Variants in CSNK2A2 observed in about 807,000 individuals in gnomAD.
CSNK2A2 encodes casein kinase II subunit alpha'.
In CSNK2A2, 8 loss-of-function variants were observed where a neutral mutation model predicts 54.0. That is an observed-to-expected ratio of 0.15 (90% CI 0.09 to 0.27). The LOEUF (loss-of-function observed/expected upper bound fraction) is 0.27. Among genes scored for constraint, CSNK2A2 ranks in the 10% least tolerant of loss-of-function variants. The pLI, the probability that CSNK2A2 is intolerant of heterozygous loss-of-function variation, is 1.00. For missense variants in CSNK2A2, 242 were observed against 439.4 expected (o/e 0.55, Z 4.02); for synonymous variants, 141 against 153.9 (o/e 0.92, Z 0.62).
chr16:58,189,549 G>T (rs188863636), intron 2 of CSNK2A2, among the ~76,000 whole-genome samples: 38 of 152,250 alleles, frequency 2.5e-4, no homozygotes, highest in Admixed American at 1.6e-3. Flanking sequence ...AACAGGTCAG[G>T]CCTGGACAAC....
At chr16:58,192,462 C>A (rs953009459) in intron 2 of CSNK2A2, among the ~76,000 whole-genome samples, 13 of 145,880 alleles carry the variant, frequency 8.9e-5, no homozygotes, top group African/African-American at 1.8e-4. Flanking sequence ...AAAAAAAAAA[C>A]CATAAAAACA....
chr16:58,189,090 G>C lies in CSNK2A2; in HGVS notation c.217-2234C>G, dbSNP rs1597124150. ...TCCTGCCTCAGCCTCCCAAGTAACT[G>C]GGACTACAGGTGTGTGCCACCACGC... is the stretch of plus-strand genomic sequence containing the variant. On this transcript the variant is annotated intron_variant, in intron 2 of 11. Transcript: ENST00000262506. Among the ~76,000 whole-genome samples, 3 of 151,602 alleles carry C rather than the reference G, an allele frequency of 2.0e-5. No individual in the cohort carries two copies. In the East Asian group the frequency reaches 5.8e-4, roughly 29 times the overall value.
intron 7 of CSNK2A2, 92 bp downstream of exon 7, chr16:58,167,593 T>C (rs1204289206): frequency 1.0e-6 from 1 of 963,770 alleles, no homozygotes; most frequent in Non-Finnish European, 1.6e-6. Flanking sequence ...TGGCTGGGTT[T>C]TGAGTGTATT....
chr16:58,190,590 A>G (rs556962943), intron 2 of CSNK2A2, among the ~76,000 whole-genome samples: 1 of 152,236 alleles, frequency 6.6e-6, no homozygotes, highest in African/African-American at 2.4e-5. Context: ...AAGTTTCATC[A>G]CCCCAATTAC....
At chr16:58,168,845 C>T in intron 5 of CSNK2A2, 152 bp from the exon 6 acceptor site, 1 of 608,010 alleles carries the variant, frequency 1.6e-6, no homozygotes. Context: ...AAGCGTGCTT[C>T]AGAAGGCACC....
At chr16:58,193,756 G>T (rs1962370069) in intron 2 of CSNK2A2, among the ~76,000 whole-genome samples, 1 of 152,102 alleles carries the variant, frequency 6.6e-6, no homozygotes. Flanking sequence ...GAAACTTTTG[G>T]CACTAATGTA....
chr16:58,166,868 A>G (rs753834699), intron 8 of CSNK2A2, among the ~76,000 whole-genome samples, 184 bp from the exon 9 acceptor site: 2 of 152,240 alleles, frequency 1.3e-5, no homozygotes, highest in Non-Finnish European at 2.9e-5. Context: ...GCAAATTTCC[A>G]AACGGCCTTT....
chr16:58,192,995 G>A (rs1020776100), intron 2 of CSNK2A2: 1 of 152,222 alleles, frequency 6.6e-6, no homozygotes, highest in African/African-American at 2.4e-5. Context: ...CCAGTACAAT[G>A]CTGGAAACGG....
intron 2 of CSNK2A2, among the ~76,000 whole-genome samples, chr16:58,189,120 CTAATTTTTTTGTATTTT>C (rs1336118412): frequency 6.6e-5 from 10 of 152,014 alleles, no homozygotes; most frequent in African/African-American, 2.2e-4. Context: ...CCACGCCCAG[CTAATTTTTTTGTATTTT>C]TAGTAGAGAC....
At position 58,174,443 on chromosome 16, in the gene CSNK2A2, C is replaced by A. The variant is rs1420561246; in HGVS notation, c.429+8G>T. The A allele has an allele frequency of 1.3e-6, 2 of 1,598,802 alleles. No individual in the cohort carries two copies. The highest frequency in any genetic ancestry group is 1.3e-5 in the African/African-American group (1 of 74,248). On this transcript the variant is annotated splice_region_variant and intron_variant, in intron 5 of 11. Transcript: ENST00000262506. ...GAAAAAAATTAATGGTTTATGAACA[C>A]CACTTACTTTAAGTAGTTCATACAT... is the stretch of plus-strand genomic sequence containing the variant.
intron 4 of CSNK2A2, among the ~76,000 whole-genome samples, chr16:58,176,893 T>A (rs1161537012): frequency 6.6e-6 from 1 of 152,212 alleles, no homozygotes; most frequent in Admixed American, 6.5e-5. Flanking sequence ...GCTGCGTGCT[T>A]TGTCCAGACC....
chr16:58,195,023 C>A (rs1267485506), intron 2 of CSNK2A2, among the ~76,000 whole-genome samples: 22 of 151,966 alleles, frequency 1.4e-4, no homozygotes, highest in Admixed American at 1.4e-3. Flanking sequence ...TTAGAGTCAG[C>A]AATTCATTCT....
intron 2 of CSNK2A2, among the ~76,000 whole-genome samples, chr16:58,187,230 G>A (rs1962214201): frequency 6.6e-6 from 1 of 151,500 alleles, no homozygotes; most frequent in Admixed American, 6.6e-5. Context: ...TGGAAAAACT[G>A]AAACAAAATG....
chr16:58,158,390 A>C (rs1006976644), intron 11 of CSNK2A2, 37 bp from the exon 12 acceptor site: 2 of 152,624 alleles, frequency 1.3e-5, no homozygotes, highest in African/African-American at 2.4e-5. Context: ...AGACGTCATT[A>C]ATCAACCTGA....
intron 11 of CSNK2A2, chr16:58,163,226 ATGG>A (rs1355569493): frequency 7.0e-6 from 1 of 143,458 alleles, no homozygotes; most frequent in Non-Finnish European, 1.5e-5. Flanking sequence ...GTGCTGGGAA[ATGG>A]TGAAGTTCTC....
At chr16:58,180,270 A>C (rs1306708430) in intron 4 of CSNK2A2, among the ~76,000 whole-genome samples, 1 of 152,046 alleles carries the variant, frequency 6.6e-6, no homozygotes, top group African/African-American at 2.4e-5. Context: ...GTTCTTTTAA[A>C]AGATTAACGA....
intron 2 of CSNK2A2, among the ~76,000 whole-genome samples, chr16:58,188,834 AAG>A (rs1962257977): frequency 6.6e-6 from 1 of 152,224 alleles, no homozygotes; most frequent in South Asian, 2.1e-4. Context: ...ATGAGAGAGA[AAG>A]AGAAGGATAA....
intron 4 of CSNK2A2, among the ~76,000 whole-genome samples, chr16:58,176,009 A>G (rs558848177): frequency 4.9e-4 from 75 of 152,282 alleles, no homozygotes; most frequent in African/African-American, 1.7e-3. Context: ...GCTCTGCTGC[A>G]AGAAGGCTTC....
At chr16:58,159,904 GTTT>G (rs3841618) in intron 11 of CSNK2A2, 1 of 151,840 alleles carries the variant, frequency 6.6e-6, no homozygotes, top group African/African-American at 2.4e-5. Flanking sequence ...ATTCAAAGTT[GTTT>G]TTTTTCTTTT....
Sources: gnomAD v4.1 joint callset for allele counts (sites outside exome capture counted in the v4.1 genomes callset) on GRCh38, gnomAD v4.1.1 for gene constraint, MANE v1.5 for transcripts, NCBI Gene and HGNC (gene_info 2026-07-23, HGNC 2026-07-21) for gene names.